The following ABCC2 variants were observed in gnomAD, a reference collection of about 807,000 sequenced individuals.
ABCC2 encodes ATP binding cassette subfamily C member 2, also known as ATP-binding cassette sub-family C member 2.
In ABCC2, 157 loss-of-function variants were observed where a neutral mutation model predicts 173.4. The ratio of observed to expected loss-of-function variants is 0.91; its 90% CI spans 0.80 to 1.03. The LOEUF is 1.03. Among genes scored for constraint, ABCC2 ranks in the 50% least tolerant of loss-of-function variants. ABCC2 has a pLI of 0.00. For missense variants in ABCC2, 1,822 were observed against 1,852.3 expected (o/e 0.98, Z 0.30); for synonymous variants, 657 against 693.5 (o/e 0.95, Z 0.83).
intron 2 of ABCC2, among the ~76,000 whole-genome samples, chr10:99,786,036 G>C (rs972512713): frequency 1.9e-4 from 29 of 152,332 alleles, no homozygotes; most frequent in African/African-American, 5.8e-4. Context: ...GCTTGGGACA[G>C]TGTCACTGTC....
Position 99,831,979 on chromosome 10 carries a change from A to G in ABCC2, c.3106A>G (p.Ile1036Val). The G allele has an allele frequency of 6.2e-7, 1 of 1,614,182 alleles. No homozygotes were observed. Among genetic ancestry groups the G allele is most frequent in the Non-Finnish European group, 8.5e-7 (1 of 1,180,028 alleles). The change falls in exon 23 of 32, where the codon ATA (isoleucine) becomes GTA (valine). Residue 1036 changes from isoleucine to valine, a missense_variant and splice_region_variant. Coordinates refer to ENST00000647814, the MANE Select transcript of ABCC2 (RefSeq NM_000392.5). ...GACAAAACTGCTTCCATCTCTAGGT[A>G]TATTTGTGTTCATAGCACATTTCTG... ...VYGALGLAQGIFVFIAHFWSA... is the reference protein window; with the variant it reads ...VYGALGLAQGVFVFIAHFWSA...
intron 2 of ABCC2, among the ~76,000 whole-genome samples, chr10:99,787,494 C>G (rs1210495951): frequency 6.6e-6 from 1 of 152,074 alleles, no homozygotes; most frequent in Non-Finnish European, 1.5e-5. Flanking sequence ...CCCAGGCAGG[C>G]TGCCAGCATA....
intron 2 of ABCC2, among the ~76,000 whole-genome samples, chr10:99,790,249 C>A (rs745481193): frequency 3.3e-5 from 5 of 152,058 alleles, no homozygotes; most frequent in African/African-American, 1.2e-4. Flanking sequence ...ATTGGTTAGG[C>A]AAAAATGTTA....
Position 99,792,678 on chromosome 10 carries a change from T to A in ABCC2, c.333+319T>A, listed in dbSNP as rs74544987. On this transcript the variant is annotated intron_variant, in intron 3 of 31. Transcript: ENST00000647814. ...TCTTGATGTAAAACAATATTTTAAA[T>A]CTGTAAATATTGTTTTTAAATTGAT... Among the ~76,000 whole-genome samples, 96 of 152,320 alleles carry A rather than the reference T, an allele frequency of 6.3e-4. No homozygotes were observed. The East Asian group carries it at 0.017, about 26-fold the overall frequency.
rs191017412 is a variant in ABCC2, at chr10:99,805,583, C to T, written c.1530+136C>T. 2.3e-4 allele frequency: 199 copies of T among 863,036 alleles called. No homozygotes were observed. The African/African-American group carries it at 2.8e-3, about 12-fold the overall frequency. The allele number at this position is 863,036 out of a possible 1,614,324, so 53.5% of individuals were successfully genotyped here. ...TGTCACATGACTTTTGTTTCATGTC[C>T]TCCTGTCCCTCTCAGGTCCTCCGTT... On this transcript the variant is annotated intron_variant, in intron 11 of 31. Transcript: ENST00000647814.
chr10:99,843,767 T>A, intron 26 of ABCC2, 32 bp from the exon 27 acceptor site: 1 of 1,586,164 alleles, frequency 6.3e-7, no homozygotes, highest in East Asian at 2.2e-5. Flanking sequence ...TCTGTGCCTA[T>A]GATGATTTTC....
chr10:99,819,461 A>T (rs2038491409), intron 19 of ABCC2, among the ~76,000 whole-genome samples, 192 bp downstream of exon 19: 1 of 152,228 alleles, frequency 6.6e-6, no homozygotes, highest in Admixed American at 6.5e-5. Flanking sequence ...TGCCTGGGCC[A>T]AACTGGTGAC....
At chr10:99,834,133 C>T (rs1049814354) in intron 23 of ABCC2, among the ~76,000 whole-genome samples, 16 of 152,290 alleles carry the variant, frequency 1.1e-4, no homozygotes, top group African/African-American at 2.6e-4. Flanking sequence ...CCACCCGCCT[C>T]GGCCTTGCAA....
intron 19 of ABCC2, among the ~76,000 whole-genome samples, chr10:99,829,659 T>A (rs1033302844): frequency 4.6e-5 from 7 of 152,128 alleles, no homozygotes; most frequent in African/African-American, 1.7e-4. Context: ...TTTGAGAGAG[T>A]CTCACTCTGT....
intron 9 of ABCC2, 28 bp from the exon 10 acceptor site, chr10:99,803,991 G>C: frequency 1.2e-6 from 2 of 1,613,896 alleles, no homozygotes; most frequent in Non-Finnish European, 1.7e-6. Flanking sequence ...CTTTGTCCAT[G>C]GGTCCTAATT....
At position 99,818,874 on chromosome 10, in the gene ABCC2, G is replaced by A. The variant is rs1185752165; in HGVS notation, c.2356G>A (p.Asp786Asn). 2 of 1,614,158 alleles carry A rather than the reference G, an allele frequency of 1.2e-6. No homozygotes were observed. Among genetic ancestry groups the A allele is most frequent in the Admixed American group, 1.7e-5 (1 of 60,004 alleles). Residue 786 changes from aspartate (D) to asparagine (N), a missense_variant, in exon 18 of 32, where the codon GAC (aspartate) becomes AAC (asparagine). By Grantham distance (23) the Asp-to-Asn change is conservative. Coordinates refer to ENST00000647814, the MANE Select transcript of ABCC2 (RefSeq NM_000392.5). ...AAATTTAGACATCTATCTTCTAGAT[G>A]ACCCCCTGTCTGCAGTGGATGCTCA... is the stretch of plus-strand genomic sequence containing the variant. ...YQNLDIYLLD[D>N]PLSAVDAHVG...
rs112218453 is a variant in ABCC2, at chr10:99,814,796, T to C, written c.2094+1652T>C. Among the ~76,000 whole-genome samples, 7 of 37,840 alleles carry C rather than the reference T, an allele frequency of 1.8e-4. No individual in the cohort carries two copies. The East Asian group carries it at 3.0e-3, about 16-fold the overall frequency. The allele number at this position is 37,840 out of a possible 152,430, so 24.8% of individuals were successfully genotyped here. A position where few individuals can be genotyped will look rare whatever the true frequency, so the allele number is the denominator to read the frequency against. On this transcript the variant is annotated intron_variant, in intron 16 of 31. Coordinates refer to ENST00000647814, the MANE Select transcript of ABCC2 (RefSeq NM_000392.5). ...GTGTGTATGTATATACACACACACA[T>C]ATGTGTGTGTGTATATATATATTTT...
intron 14 of ABCC2, among the ~76,000 whole-genome samples, chr10:99,810,512 G>A (rs548729359): frequency 1.3e-5 from 2 of 152,334 alleles, no homozygotes; most frequent in East Asian, 3.9e-4. Context: ...GGATTGGGAA[G>A]GTAGCCTGGA....
At position 99,824,740 on chromosome 10, in the gene ABCC2, C is replaced by T. The variant is rs199700872; in HGVS notation, c.2620+5471C>T. On this transcript the variant is annotated intron_variant, in intron 19 of 31. Transcript: ENST00000647814. Reference sequence around the variant, plus strand: ...GGGATCATGGCCAGAGAGGGCAACCCGGGTTGGAGAGGCCCCATGGGTTGA... The same window carrying T: ...GGGATCATGGCCAGAGAGGGCAACCTGGGTTGGAGAGGCCCCATGGGTTGA... Among the ~76,000 whole-genome samples the T allele has an allele frequency of 7.1e-5, 10 of 141,718 alleles. No homozygotes were observed. The East Asian group carries it at 8.2e-4, about 12-fold the overall frequency. The allele number at this position is 141,718 out of a possible 152,430, so 93.0% of individuals were successfully genotyped here.
intron 2 of ABCC2, among the ~76,000 whole-genome samples, 198 bp downstream of exon 2, chr10:99,784,979 A>C (rs1272022844): frequency 1.3e-5 from 2 of 152,190 alleles, no homozygotes; most frequent in Non-Finnish European, 2.9e-5. Context: ...TTTTTGCATA[A>C]GAATGGTGAC....
chr10:99,844,452 G>A lies in ABCC2; in HGVS notation c.3974G>A (p.Gly1325Asp). The A allele has an allele frequency of 6.2e-7, 1 of 1,613,742 alleles. No homozygotes were observed. Among genetic ancestry groups the A allele is most frequent in the Non-Finnish European group, 8.5e-7 (1 of 1,180,032 alleles). The part of the protein sequence containing the change: ...LVLRGITCDI[G>D]SMEKIGVVGR... ...CTCAGAGGGATCACTTGTGACATCG[G>A]TAGCATGGAGAAGGTAGGTGGAGTG... Residue 1325 changes from glycine to aspartate, a missense_variant, in exon 28 of 32, where the codon GGT becomes GAT. Gly to Asp is a moderately conservative substitution (Grantham distance 94, BLOSUM62 -1). Transcript: ENST00000647814.
At chr10:99,795,894 C>T (rs1406145527) in intron 6 of ABCC2, among the ~76,000 whole-genome samples, 2 of 152,206 alleles carry the variant, frequency 1.3e-5, no homozygotes, top group Non-Finnish European at 2.9e-5. Context: ...AATCCTAGCA[C>T]TTTGGGAAGC....
At position 99,842,047 on chromosome 10, in the gene ABCC2, C is replaced by A. The variant is rs1355618741; in HGVS notation, c.3695C>A (p.Thr1232Asn). The change falls in exon 26 of 32, where the codon ACC becomes AAC. Residue 1232 changes from threonine (T) to asparagine (N), a missense_variant. Thr to Asn is a moderately conservative substitution (Grantham distance 65). Coordinates refer to ENST00000647814, the MANE Select transcript of ABCC2 (RefSeq NM_000392.5). ...TTGATGATGGTTATTTATAGAGATA[C>A]CCTAAGTGGGGACACTGTTGGCTTT... The part of the protein sequence containing the change: ...SALMMVIYRD[T>N]LSGDTVGFVL... 2 of 1,614,182 alleles carry A rather than the reference C, an allele frequency of 1.2e-6. No individual in the cohort carries two copies. Among genetic ancestry groups the A allele is most frequent in the African/African-American group, 1.3e-5 (1 of 75,060 alleles).
chr10:99,832,225 C>T, intron 23 of ABCC2, 94 bp downstream of exon 23: 2 of 1,486,676 alleles, frequency 1.3e-6, no homozygotes, highest in African/African-American at 1.4e-5. Flanking sequence ...CAACACTGTT[C>T]AGTTCCAGTT....
Sources: gnomAD v4.1 joint callset for allele counts (sites outside exome capture counted in the v4.1 genomes callset) on GRCh38, gnomAD v4.1.1 for gene constraint, MANE v1.5 for transcripts, NCBI Gene and HGNC (gene_info 2026-07-23, HGNC 2026-07-21) for gene names.